Variants in DNAH12 observed in about 807,000 individuals in gnomAD.
The protein encoded by DNAH12 is dynein axonemal heavy chain 12.
DNAH12 carries 285 observed loss-of-function variants against 371.5 expected under a neutral mutation model. The ratio of observed to expected loss-of-function variants is 0.77; its 90% CI spans 0.70 to 0.85. The LOEUF is 0.85. Ranked by LOEUF, DNAH12 falls within the 40% of genes least tolerant of loss-of-function variation. The pLI, the probability that DNAH12 is intolerant of heterozygous loss-of-function variation, is 0.00. For missense variants in DNAH12, 3,611 were observed against 3,689.4 expected (o/e 0.98, Z 0.55); for synonymous variants, 1,200 against 1,213.0 (o/e 0.99, Z 0.22).
intron 38 of DNAH12, among the ~76,000 whole-genome samples, chr3:57,414,349 T>A (rs1383810524): frequency 2.0e-5 from 3 of 152,232 alleles, no homozygotes; most frequent in African/African-American, 7.2e-5. Flanking sequence ...CCTCACTGGA[T>A]AACCAACATA....
In DNAH12 at chr3:57,471,560, T is replaced by G. The variant is rs1263788519; in HGVS notation, c.1823A>C (p.Lys608Thr). The G allele has an allele frequency of 7.1e-6, 11 of 1,548,094 alleles. No individual in the cohort carries two copies. Among genetic ancestry groups the G allele is most frequent in the Non-Finnish European group, 8.7e-6 (10 of 1,146,264 alleles). Residue 608 changes from lysine (K) to threonine (T), a missense_variant, in exon 15 of 74, where the codon AAG becomes ACG. Lys to Thr is a moderately conservative substitution (Grantham distance 78, BLOSUM62 -1). Around this residue, in one of 3 missense-constraint regions of DNAH12, gnomAD observed 1,314 missense variants for 1,398.7 expected, o/e 0.94. Coordinates refer to ENST00000495027, the MANE Select transcript of DNAH12 (RefSeq NM_001366028.2). ...TATTTCCAAAATAAGTTTCTCTCTC[T>G]TGGCCATTAGTTCATTTTCTTTTTT... ...KHKKENELMAKREKLILEIEK... is the reference protein window; with the variant it reads ...KHKKENELMATREKLILEIEK...
At chr3:57,341,158 C>T (rs1322126709) in intron 60 of DNAH12, among the ~76,000 whole-genome samples, 1 of 150,602 alleles carries the variant, frequency 6.6e-6, no homozygotes, top group Non-Finnish European at 1.5e-5. Flanking sequence ...AAGACAAACC[C>T]ACAGCTACCA....
At chr3:57,414,211 T>C (rs1217687845) in intron 38 of DNAH12, among the ~76,000 whole-genome samples, 2 of 152,230 alleles carry the variant, frequency 1.3e-5, no homozygotes, top group African/African-American at 2.4e-5. Flanking sequence ...TCAACATCAT[T>C]CAAACATTTG....
chr3:57,308,324 G>T (rs549817607), intron 69 of DNAH12, among the ~76,000 whole-genome samples: 1 of 152,224 alleles, frequency 6.6e-6, no homozygotes, highest in African/African-American at 2.4e-5. Context: ...CAGTTCCTCA[G>T]GCTCTTAGTA....
intron 13 of DNAH12, among the ~76,000 whole-genome samples, chr3:57,476,638 G>A (rs1320617619): frequency 6.6e-6 from 1 of 152,170 alleles, no homozygotes; most frequent in East Asian, 1.9e-4. Context: ...GGCTTCTAGA[G>A]CGTTGGCAAG....
At chr3:57,455,674 C>A (rs750018709) in intron 22 of DNAH12, among the ~76,000 whole-genome samples, 1 of 152,134 alleles carries the variant, frequency 6.6e-6, no homozygotes, top group Non-Finnish European at 1.5e-5. Context: ...AAAAACTGCA[C>A]TAATAGCGCC....
chr3:57,364,914 G>A (rs1444652161), intron 57 of DNAH12, among the ~76,000 whole-genome samples: 2 of 152,208 alleles, frequency 1.3e-5, no homozygotes, highest in African/African-American at 2.4e-5. Flanking sequence ...ACCACAATGA[G>A]ATACCATCTT....
At chr3:57,452,783 G>A in intron 25 of DNAH12, 60 bp downstream of exon 25, 2 of 1,442,914 alleles carry the variant, frequency 1.4e-6, no homozygotes, top group Non-Finnish European at 1.9e-6. Context: ...AGAGAGAAAA[G>A]ATGACGCTAC....
At chr3:57,397,413 T>C (rs2153349657) in intron 43 of DNAH12, among the ~76,000 whole-genome samples, 2 of 152,302 alleles carry the variant, frequency 1.3e-5, no homozygotes, top group South Asian at 4.1e-4. Context: ...ATCCAAATCA[T>C]GGCTCCTTCC....
Position 57,361,444 on chromosome 3 carries a change from C to CTATATATATATATATATATA in DNAH12, c.9360+2130_9360+2149dup, listed in dbSNP as rs1201361123. Among the ~76,000 whole-genome samples the CTATATATATATATATATATA allele has an allele frequency of 3.3e-4, 39 of 116,684 alleles. 1 individual carries two copies. Among genetic ancestry groups the CTATATATATATATATATATA allele is most frequent in the East Asian group, 1.3e-3 (5 of 3,858 alleles). The allele number at this position is 116,684 out of a possible 152,430, so 76.5% of individuals were successfully genotyped here. A position where few individuals can be genotyped will look rare whatever the true frequency, so the allele number is the denominator to read the frequency against. ...CACTATATATATATACACACACACA[C>CTATATATATATATATATATA]TATATATATATATATATATATATAT... is the stretch of plus-strand genomic sequence containing the variant. On this transcript the variant is annotated intron_variant, in intron 58 of 73. Coordinates refer to ENST00000495027, the MANE Select transcript of DNAH12 (RefSeq NM_001366028.2).
chr3:57,430,585 T>G (rs985125366), intron 32 of DNAH12, among the ~76,000 whole-genome samples: 9 of 152,170 alleles, frequency 5.9e-5, no homozygotes, highest in African/African-American at 2.2e-4. Flanking sequence ...CAAATTTCTG[T>G]CTTGTCTATT....
In DNAH12 at chr3:57,293,923, T is replaced by C. The variant is rs1168439408; in HGVS notation, c.11741A>G (p.Tyr3914Cys). The change falls in exon 74 of 74, where the codon TAC becomes TGC. Residue 3914 changes from tyrosine (Y) to cysteine (C), a missense_variant. Tyr to Cys is a radical substitution (Grantham distance 194). Around this residue, in one of 3 missense-constraint regions of DNAH12, gnomAD observed 2,266 missense variants for 2,236.9 expected, o/e 1.01. Coordinates refer to ENST00000495027, the MANE Select transcript of DNAH12 (RefSeq NM_001366028.2). ...AGTTCCTTTACGTTCACTTGTCTTG[T>C]AGAGGGGACAGACATAGGCATCCGA... is the stretch of plus-strand genomic sequence containing the variant. ...IKSDAYVCPL[Y>C]KTSERKGTLS... The C allele has an allele frequency of 1.3e-6, 2 of 1,528,028 alleles. No homozygotes were observed. The highest frequency in any genetic ancestry group is 4.9e-5 in the East Asian group (2 of 40,444). The allele number at this position is 1,528,028 out of a possible 1,614,324, so 94.7% of individuals were successfully genotyped here. A position where few individuals can be genotyped will look rare whatever the true frequency, so the allele number is the denominator to read the frequency against.
In DNAH12 at chr3:57,394,312, G is replaced by A. The variant is rs2063693482; in HGVS notation, c.6969C>T (p.Gly2323=). The change falls in exon 44 of 74, where the codon GGC becomes GGT. Residue 2323 remains glycine (G), a synonymous_variant. Coordinates refer to ENST00000495027, the MANE Select transcript of DNAH12 (RefSeq NM_001366028.2). ...EDMKGLLRNV[G]MKGQKTVFLI... ...GAAAGACGGTCTTCTGGCCCTTCATGCCCACATTCCTTAACAGACCCTTAA... is the reference window on the plus strand; with the variant it reads ...GAAAGACGGTCTTCTGGCCCTTCATACCCACATTCCTTAACAGACCCTTAA... The A allele has an allele frequency of 6.6e-6, 1 of 152,178 alleles. No homozygotes were observed. The highest frequency in any genetic ancestry group is 1.5e-5 in the Non-Finnish European group (1 of 68,072). 9.4% of individuals were successfully genotyped at this position (152,178 alleles called of 1,614,324 possible).
chr3:57,478,212 T>C (rs2066605089), intron 13 of DNAH12, among the ~76,000 whole-genome samples: 1 of 151,712 alleles, frequency 6.6e-6, no homozygotes, highest in Admixed American at 6.6e-5. Context: ...GAATAACCAA[T>C]GCAGAGAAGT....
intron 55 of DNAH12, among the ~76,000 whole-genome samples, chr3:57,370,174 A>T (rs1313143993): frequency 2.0e-5 from 3 of 151,994 alleles, no homozygotes; most frequent in Non-Finnish European, 2.9e-5. Flanking sequence ...ATGTATAAAC[A>T]CTAAAAAAGG....
At chr3:57,550,880 A>AT in the DNAH12 span, among the ~76,000 whole-genome samples, 2,051 of 136,782 alleles carry the variant, frequency 0.015, 38 homozygotes, top group African/African-American at 0.039. Flanking sequence ...GCTAGAAACA[A>AT]TTTTTTTTTT....
At chr3:57,489,392 G>T in intron 12 of DNAH12, 117 bp downstream of exon 12, 1 of 1,052,998 alleles carries the variant, frequency 9.5e-7, no homozygotes, top group Non-Finnish European at 1.3e-6. Context: ...AGGCAGCTAT[G>T]GAGAAAAAGT....
intron 2 of DNAH12, among the ~76,000 whole-genome samples, chr3:57,536,775 G>A (rs1179993146): frequency 1.3e-5 from 2 of 152,082 alleles, no homozygotes; most frequent in South Asian, 2.1e-4. Context: ...CCTGACTTCC[G>A]GTTCTTTATA....
chr3:57,376,766 G>T (rs1314046349), intron 53 of DNAH12, among the ~76,000 whole-genome samples: 1 of 152,112 alleles, frequency 6.6e-6, no homozygotes, highest in African/African-American at 2.4e-5. Context: ...CATTTGCCTT[G>T]TTTGCCTCTT....
Sources: allele counts gnomAD v4.1 joint callset (sites outside exome capture counted in the v4.1 genomes callset), GRCh38; gene constraint gnomAD v4.1.1; regional missense constraint gnomAD v4.1.1; transcripts MANE v1.5; gene names NCBI Gene and HGNC (gene_info 2026-07-23, HGNC 2026-07-21).